Variants in KAZN observed in about 807,000 individuals in gnomAD.
KAZN encodes kazrin, periplakin interacting protein.
KAZN carries 40 observed loss-of-function variants against 87.4 expected under a neutral mutation model. That is an observed-to-expected ratio of 0.46 (90% CI 0.36 to 0.60). The LOEUF is 0.60. Ranked by LOEUF, KAZN falls within the 20% of genes least tolerant of loss-of-function variation. KAZN has a pLI of 0.00. For synonymous variants in KAZN, 466 were observed against 458.3 expected, an observed-to-expected ratio of 1.02 and a Z score of -0.22; for missense variants, 898 against 1,073.9, an observed-to-expected ratio of 0.84 and a Z score of 2.29.
At chr1:15,028,387 A>C (rs1463023455) in intron 2 of KAZN, among the ~76,000 whole-genome samples, 1 of 152,154 alleles carries the variant, frequency 6.6e-6, no homozygotes. Flanking sequence ...GGGAGCTAGG[A>C]GCTGAGTCAG....
chr1:14,150,161 T>G (rs966195992), intron 1 of KAZN, among the ~76,000 whole-genome samples: 1 of 152,196 alleles, frequency 6.6e-6, no homozygotes, highest in African/African-American at 2.4e-5. Context: ...ACGAAGGACT[T>G]GCCAAAGGTT....
intron 1 of KAZN, among the ~76,000 whole-genome samples, chr1:14,792,919 T>C (rs1645719686): frequency 6.9e-6 from 1 of 145,564 alleles, no homozygotes; most frequent in South Asian, 2.1e-4. Context: ...GAGGTTGCGG[T>C]GAGCCAAGAT....
In KAZN at chr1:14,490,389, AGAT is replaced by A. The variant is rs1268695814; in HGVS notation, c.250-108590_250-108588del. 3.3e-5 allele frequency among the ~76,000 whole-genome samples: 5 copies of A among 152,330 alleles called. No individual in the cohort carries two copies. In the East Asian group the frequency reaches 9.6e-4, roughly 29 times the overall value. On this transcript the variant is annotated intron_variant, in intron 2 of 16. Coordinates refer to the KAZN transcript ENST00000636203. ...ACAACCCACTCCATCACATTTCTTA[AGAT>A]GATCTTAATTGTGTGTATATTTAGA...
rs562235040 is a variant in KAZN, at chr1:14,820,582, G to A, written c.227-140102G>A. Among the ~76,000 whole-genome samples the A allele has an allele frequency of 2.6e-4, 40 of 152,334 alleles. No homozygotes were observed. The highest frequency in any genetic ancestry group is 4.6e-4 in the Admixed American group (7 of 15,306). ...ATGTCACGTGGGGTTTTCCACTCTC[G>A]CCCACAGTGAGTTGGCAATGCCTGG... On this transcript the variant is annotated intron_variant, in intron 1 of 14. Transcript: ENST00000376030. The surrounding 1 kb of genome is among the most constrained non-coding windows in gnomAD (Gnocchi z 4.1).
At chr1:14,688,757 G>A (rs1329153947) in intron 1 of KAZN, among the ~76,000 whole-genome samples, 2 of 152,362 alleles carry the variant, frequency 1.3e-5, no homozygotes, top group Non-Finnish European at 2.9e-5. Context: ...GGTGTCTGCT[G>A]TCTTTTAATT....
chr1:14,061,408 T>C (rs7543534), intron 1 of KAZN, among the ~76,000 whole-genome samples: 8,097 of 151,658 alleles, frequency 0.053, 590 homozygotes, highest in African/African-American at 0.16. Context: ...CAAGAAGGGG[T>C]AGAGAGGGCA....
At chr1:14,357,350 C>T (rs7511783) in intron 2 of KAZN, among the ~76,000 whole-genome samples, 1 of 152,134 alleles carries the variant, frequency 6.6e-6, no homozygotes, top group East Asian at 1.9e-4. Flanking sequence ...TCTAAATACA[C>T]AATCATGTCA....
At chr1:14,125,337 G>C (rs1183799856) in intron 1 of KAZN, among the ~76,000 whole-genome samples, 1 of 152,198 alleles carries the variant, frequency 6.6e-6, no homozygotes, top group East Asian at 1.9e-4. Flanking sequence ...CCCCCAGAAA[G>C]ATATGTCCAT....
rs74059611 is a variant in KAZN, at chr1:14,846,575, T to C, written c.227-114109T>C. Among the ~76,000 whole-genome samples the C allele has an allele frequency of 1.2e-3, 188 of 152,208 alleles. 1 individual carries two copies. The highest frequency in any genetic ancestry group is 4.2e-3 in the African/African-American group (174 of 41,540). ...TGGCCAAGGCTGACACAAGAACACA[T>C]ATTTATTTTAGTTGACTTAATAATC... On this transcript the variant is annotated intron_variant, in intron 1 of 14. Transcript: ENST00000376030.
At chr1:14,586,026 T>C (rs1675830368) in intron 2 of KAZN, among the ~76,000 whole-genome samples, 1 of 152,082 alleles carries the variant, frequency 6.6e-6, no homozygotes, top group Non-Finnish European at 1.5e-5. Flanking sequence ...TGTTCCCTAG[T>C]GGGGGTGTTG....
intron 1 of KAZN, among the ~76,000 whole-genome samples, chr1:14,943,068 G>C (rs986346128): frequency 1.6e-5 from 2 of 124,774 alleles, no homozygotes; most frequent in East Asian, 2.3e-4. Flanking sequence ...GGAGAGCCTT[G>C]GGTTTTTTTT....
chr1:15,108,717 C>T (rs1641383386), intron 13 of KAZN, among the ~76,000 whole-genome samples: 1 of 152,216 alleles, frequency 6.6e-6, no homozygotes, highest in Admixed American at 6.5e-5. Context: ...CCCCAACCTT[C>T]CTTCCTGCAC....
intron 2 of KAZN, among the ~76,000 whole-genome samples, chr1:14,480,392 GGAGT>G (rs1309469758): frequency 6.6e-6 from 1 of 152,098 alleles, no homozygotes; most frequent in Non-Finnish European, 1.5e-5. Context: ...CATTCTAGCA[GGAGT>G]GACAGGCCCC....
At chr1:14,109,717 C>G (rs1644456112) in intron 1 of KAZN, among the ~76,000 whole-genome samples, 1 of 152,178 alleles carries the variant, frequency 6.6e-6, no homozygotes, top group Admixed American at 6.5e-5. Flanking sequence ...TAATTTGCAG[C>G]TGCATCAAGA....
At chr1:14,310,586 A>C (rs924222790) in intron 2 of KAZN, among the ~76,000 whole-genome samples, 1 of 152,182 alleles carries the variant, frequency 6.6e-6, no homozygotes, top group African/African-American at 2.4e-5. Flanking sequence ...CGTATGTACC[A>C]GACTATTGGC....
At chr1:13,928,913 T>C (rs1215799122) in intron 1 of KAZN, among the ~76,000 whole-genome samples, 1 of 152,082 alleles carries the variant, frequency 6.6e-6, no homozygotes, top group Non-Finnish European at 1.5e-5. Context: ...TTCTAATCTT[T>C]GTTGTGTGCT....
At chr1:15,022,928 G>A (rs1467407086) in intron 2 of KAZN, among the ~76,000 whole-genome samples, 1 of 152,244 alleles carries the variant, frequency 6.6e-6, no homozygotes, top group Non-Finnish European at 1.5e-5. Context: ...TGAGCACTGA[G>A]CCTCTGACAG....
chr1:14,748,339 C>T (rs1030092460), intron 1 of KAZN, among the ~76,000 whole-genome samples: 1 of 152,152 alleles, frequency 6.6e-6, no homozygotes. Context: ...CATTCATTGG[C>T]GTTTCCTCTG....
At chr1:13,941,093 C>G (rs927899251) in intron 1 of KAZN, among the ~76,000 whole-genome samples, 1 of 152,008 alleles carries the variant, frequency 6.6e-6, no homozygotes, top group African/African-American at 2.4e-5. Context: ...ACTCGGGAGG[C>G]TGAGGGGGAG....
Sources: gnomAD v4.1 joint callset for allele counts (sites outside exome capture counted in the v4.1 genomes callset) on GRCh38, gnomAD v4.1.1 for gene constraint, Gnocchi (gnomAD v3.1) non-coding constraint, MANE v1.5 for transcripts, NCBI Gene and HGNC (gene_info 2026-07-23, HGNC 2026-07-21) for gene names.